Variants in HLCS observed in about 807,000 individuals in gnomAD.
HLCS encodes the protein holocarboxylase synthetase.
A neutral mutation model predicts 75.0 loss-of-function variants in HLCS; 53 were observed. That is an observed-to-expected ratio of 0.71 (90% CI 0.57 to 0.89). HLCS has a LOEUF of 0.89. Ranked by LOEUF, HLCS falls within the 40% of genes least tolerant of loss-of-function variation. The pLI is 0.00. For synonymous variants in HLCS, 431 were observed against 428.6 expected, an observed-to-expected ratio of 1.01 and a Z score of -0.07; for missense variants, 966 against 1,074.0, an observed-to-expected ratio of 0.90 and a Z score of 1.41.
At chr21:36,974,639 A>C (rs1353854224) in intron 1 of HLCS, 1 of 152,230 alleles carries the variant, frequency 6.6e-6, no homozygotes, top group Non-Finnish European at 1.5e-5. Flanking sequence ...TAAAATAGTC[A>C]TTAAGGTGAA....
chr21:36,764,870 C>G, intron 8 of HLCS, 142 bp downstream of exon 8: 2 of 872,816 alleles, frequency 2.3e-6, no homozygotes, highest in Non-Finnish European at 1.9e-6. Flanking sequence ...TCTGAAAACT[C>G]CGAGAGCACT....
At chr21:36,819,007 C>A (rs972561828) in intron 6 of HLCS, among the ~76,000 whole-genome samples, 1 of 152,062 alleles carries the variant, frequency 6.6e-6, no homozygotes, top group Non-Finnish European at 1.5e-5. Context: ...TATAAAGCAA[C>A]GTCGATGCTA....
intron 5 of HLCS, among the ~76,000 whole-genome samples, chr21:36,898,824 G>A (rs2065121033): frequency 6.6e-6 from 1 of 152,210 alleles, no homozygotes; most frequent in African/African-American, 2.4e-5. Flanking sequence ...ACTTTGGGAG[G>A]CTGAGGCAGG....
intron 1 of HLCS, chr21:36,974,585 T>C (rs1456111807): frequency 1.3e-5 from 2 of 152,182 alleles, no homozygotes. Flanking sequence ...TAAGGTAAAA[T>C]GAGGTCACCA....
chr21:36,978,897 A>G (rs901344667), intron 1 of HLCS, among the ~76,000 whole-genome samples: 4 of 152,240 alleles, frequency 2.6e-5, no homozygotes, highest in African/African-American at 9.6e-5. Flanking sequence ...ATGACAACCG[A>G]ATTTCTCCTC....
chr21:36,820,326 T>C (rs543926523), intron 6 of HLCS, among the ~76,000 whole-genome samples: 1 of 152,336 alleles, frequency 6.6e-6, no homozygotes, highest in Non-Finnish European at 1.5e-5. Context: ...TTGAAGGGGC[T>C]GGAGCCCCAC....
intron 6 of HLCS, among the ~76,000 whole-genome samples, chr21:36,771,219 CAAATAAATAAAT>C (rs749446913): frequency 3.9e-4 from 56 of 142,416 alleles, no homozygotes; most frequent in Non-Finnish European, 5.5e-4. Context: ...GACTCCGTCT[CAAATAAATAAAT>C]AAATAAATAA....
At chr21:36,857,210 C>T (rs958907440) in intron 6 of HLCS, among the ~76,000 whole-genome samples, 1 of 152,196 alleles carries the variant, frequency 6.6e-6, no homozygotes, top group African/African-American at 2.4e-5. Flanking sequence ...TTTCAAAACC[C>T]AAGCCACACC....
chr21:36,921,286 A>G (rs2066153917), intron 5 of HLCS, among the ~76,000 whole-genome samples: 1 of 152,160 alleles, frequency 6.6e-6, no homozygotes, highest in African/African-American at 2.4e-5. Flanking sequence ...CTCTACTAAA[A>G]ATACAAAAAC....
At chr21:36,962,998 C>G (rs1038622132) in intron 1 of HLCS, among the ~76,000 whole-genome samples, 7 of 152,082 alleles carry the variant, frequency 4.6e-5, no homozygotes, top group Non-Finnish European at 1.0e-4. Context: ...GTGTGCAAGT[C>G]TCTGGATGCT....
chr21:36,770,000 T>C (rs1406532988), intron 6 of HLCS, among the ~76,000 whole-genome samples: 1 of 152,042 alleles, frequency 6.6e-6, no homozygotes, highest in African/African-American at 2.4e-5. Flanking sequence ...AATAAACAAA[T>C]GGTTAAATAA....
In HLCS at chr21:36,793,295, C is replaced by CTTTTTTTTTTT. The variant is rs761549990; in HGVS notation, c.1893-26021_1893-26011dup. On this transcript the variant is annotated intron_variant, in intron 6 of 10. Coordinates refer to ENST00000674895, the MANE Select transcript of HLCS (RefSeq NM_001352514.2). ...AGAACACGGGACAGCAGGAAGCAGTCTTTTTTTTTTTTTTTTTTGAGATAG... is the reference window on the plus strand; with the variant it reads ...AGAACACGGGACAGCAGGAAGCAGTCTTTTTTTTTTTTTTTTTTTTTTTTTTTTTGAGATAG... Among the ~76,000 whole-genome samples, 96 of 116,226 alleles carry CTTTTTTTTTTT rather than the reference C, an allele frequency of 8.3e-4. 7 individuals are homozygous for CTTTTTTTTTTT. The highest frequency in any genetic ancestry group is 9.8e-4 in the Non-Finnish European group (55 of 55,972). The allele number at this position is 116,226 out of a possible 152,430, so 76.2% of individuals were successfully genotyped here.
chr21:36,906,677 C>CTT (rs59652867), intron 5 of HLCS, among the ~76,000 whole-genome samples: 53 of 131,372 alleles, frequency 4.0e-4, no homozygotes, highest in African/African-American at 1.0e-3. Flanking sequence ...TCCCAGAAGG[C>CTT]TTTTTTTTTT....
chr21:36,989,929 G>A (rs1186080532), intron 1 of HLCS, among the ~76,000 whole-genome samples: 3 of 133,226 alleles, frequency 2.3e-5, no homozygotes, highest in African/African-American at 7.5e-5. Flanking sequence ...CGCGGAGGCC[G>A]CGCTGCCCTG....
chr21:36,759,520 G>A (rs2089742837), intron 9 of HLCS, among the ~76,000 whole-genome samples: 1 of 152,202 alleles, frequency 6.6e-6, no homozygotes, highest in Non-Finnish European at 1.5e-5. Context: ...CACTTTGGTG[G>A]TTCCCGTGGT....
chr21:36,850,868 C>G (rs764820052), intron 6 of HLCS, among the ~76,000 whole-genome samples: 18 of 152,098 alleles, frequency 1.2e-4, no homozygotes, highest in Non-Finnish European at 2.4e-4. Flanking sequence ...CTGGGCCAGT[C>G]GGGGTCTACA....
intron 6 of HLCS, among the ~76,000 whole-genome samples, chr21:36,792,027 C>G (rs1056058663): frequency 6.6e-6 from 1 of 152,100 alleles, no homozygotes; most frequent in Non-Finnish European, 1.5e-5. Flanking sequence ...GCCAGCCACA[C>G]AGACAGGAAC....
intron 5 of HLCS, among the ~76,000 whole-genome samples, chr21:36,908,473 G>A: frequency 6.6e-6 from 1 of 152,050 alleles, no homozygotes; most frequent in Admixed American, 6.6e-5. Context: ...CCTACTGGTG[G>A]GAATGTAAAA....
At chr21:36,778,283 T>C (rs2060426926) in intron 6 of HLCS, among the ~76,000 whole-genome samples, 1 of 151,274 alleles carries the variant, frequency 6.6e-6, no homozygotes, top group Non-Finnish European at 1.5e-5. Flanking sequence ...GAATCAATTA[T>C]TATTATTATT....
Sources: gnomAD v4.1 joint callset for allele counts (sites outside exome capture counted in the v4.1 genomes callset) on GRCh38, gnomAD v4.1.1 for gene constraint, MANE v1.5 for transcripts, NCBI Gene and HGNC (gene_info 2026-07-23, HGNC 2026-07-21) for gene names.